CSMD1: variants seen among roughly 807,000 people sequenced by gnomAD.
The protein encoded by CSMD1 is CUB and sushi domain-containing protein 1.
Under a neutral mutation model 417.5 loss-of-function variants are expected in CSMD1, and 213 were observed. The ratio of observed to expected loss-of-function variants is 0.51; its 90% CI spans 0.46 to 0.57. The LOEUF is 0.57. CSMD1 is among the 20% of genes least tolerant of loss of function. CSMD1 has a pLI of 0.00. For missense variants in CSMD1, 6,923 were observed against 4,529.7 expected, an observed-to-expected ratio of 1.53 and a Z score of -15.17; for synonymous variants, 2,862 against 1,736.8, an observed-to-expected ratio of 1.65 and a Z score of -16.11.
chr8:4,763,501 G>T (rs1361294977), intron 1 of CSMD1, among the ~76,000 whole-genome samples: 2 of 152,076 alleles, frequency 1.3e-5, no homozygotes, highest in Non-Finnish European at 1.5e-5. Context: ...ATTTATTGAT[G>T]ACTTCTTATA....
chr8:3,903,079 G>T (rs1031089765), intron 5 of CSMD1, among the ~76,000 whole-genome samples: 33 of 152,106 alleles, frequency 2.2e-4, no homozygotes, highest in African/African-American at 6.8e-4. Flanking sequence ...CCTGCTGTCT[G>T]TATTGCTGCT....
At chr8:3,317,224 G>T (rs1004424299) in intron 23 of CSMD1, among the ~76,000 whole-genome samples, 1 of 152,132 alleles carries the variant, frequency 6.6e-6, no homozygotes, top group African/African-American at 2.4e-5. Context: ...CCCAGAAAAG[G>T]AATACATCTT....
chr8:4,338,320 C>G (rs529397729), intron 3 of CSMD1, among the ~76,000 whole-genome samples: 2 of 152,164 alleles, frequency 1.3e-5, no homozygotes, highest in South Asian at 4.1e-4. Context: ...ACACATTTAC[C>G]TCGTATGTGA....
chr8:3,985,353 A>T (rs1173224132), intron 5 of CSMD1, among the ~76,000 whole-genome samples: 1 of 152,170 alleles, frequency 6.6e-6, no homozygotes, highest in Admixed American at 6.5e-5. Context: ...TACAGATTGC[A>T]TTGTTTTGTT....
chr8:4,864,280 G>GAC (rs879851988), intron 1 of CSMD1, among the ~76,000 whole-genome samples: 17 of 151,348 alleles, frequency 1.1e-4, no homozygotes, highest in Admixed American at 6.6e-4. Flanking sequence ...CACACACAAA[G>GAC]ACACACACAC....
chr8:4,591,144 T>C (rs1308416972), intron 2 of CSMD1, among the ~76,000 whole-genome samples: 3 of 152,238 alleles, frequency 2.0e-5, no homozygotes, highest in South Asian at 2.1e-4. Flanking sequence ...GCATCATTTC[T>C]TCAGTTGTGT....
At chr8:3,417,756 C>G (rs1052213944) in intron 12 of CSMD1, among the ~76,000 whole-genome samples, 3 of 152,196 alleles carry the variant, frequency 2.0e-5, no homozygotes, top group Non-Finnish European at 1.5e-5. Context: ...TCAGAAATCC[C>G]TAAACTAATT....
chr8:4,169,944 C>T (rs1312661692), intron 3 of CSMD1, among the ~76,000 whole-genome samples: 1 of 149,806 alleles, frequency 6.7e-6, no homozygotes, highest in Non-Finnish European at 1.5e-5. Context: ...GAGATTTTGG[C>T]TTGCGTGTGT....
At chr8:3,385,054 AATAT>A (rs530350652) in intron 18 of CSMD1, among the ~76,000 whole-genome samples, 8,684 of 120,942 alleles carry the variant, frequency 0.072, 687 homozygotes, top group East Asian at 0.27. Context: ...ATAAATATAT[AATAT>A]ATAATATATA....
At chr8:2,966,431 A>C in intron 58 of CSMD1, 139 bp downstream of exon 58, 1 of 755,068 alleles carries the variant, frequency 1.3e-6, no homozygotes, top group East Asian at 2.7e-5. Context: ...ATACAGCCAC[A>C]ATGTCACACA....
chr8:3,868,893 G>A (rs1363996872), intron 5 of CSMD1, among the ~76,000 whole-genome samples: 6 of 152,158 alleles, frequency 3.9e-5, no homozygotes, highest in African/African-American at 1.4e-4. Flanking sequence ...TGGTGTGCTT[G>A]CTTCCATCTT....
rs73503899 is a variant in CSMD1 at position 4,882,165 on chromosome 8, C to T, written c.85+112167G>A. The stretch of plus-strand genomic sequence containing the variant: ...CATGTAGTTACAAGTGCTGGAAATC[C>T]CAGTCTCCTTGGCACTAGACGGTGG... On this transcript the variant is annotated intron_variant, in intron 1 of 69. Coordinates refer to ENST00000635120, the MANE Select transcript of CSMD1 (RefSeq NM_033225.6). Among the ~76,000 whole-genome samples the T allele has an allele frequency of 3.0e-3, 460 of 152,042 alleles. 4 individuals carry two copies. The highest frequency in any genetic ancestry group is 0.011 in the African/African-American group (441 of 41,438).
At chr8:3,894,267 T>C (rs961553001) in intron 5 of CSMD1, among the ~76,000 whole-genome samples, 4 of 152,136 alleles carry the variant, frequency 2.6e-5, no homozygotes, top group African/African-American at 9.7e-5. Context: ...ATCTCCACAC[T>C]GTAATCTACT....
At chr8:3,546,970 A>C (rs568432918) in intron 10 of CSMD1, among the ~76,000 whole-genome samples, 1 of 152,208 alleles carries the variant, frequency 6.6e-6, no homozygotes, top group Admixed American at 6.5e-5. Context: ...ACCTCCTGGA[A>C]GAAGGGAAGA....
chr8:2,998,996 C>G (rs921419240), intron 53 of CSMD1, among the ~76,000 whole-genome samples: 1 of 152,034 alleles, frequency 6.6e-6, no homozygotes, highest in Non-Finnish European at 1.5e-5. Flanking sequence ...GGAAAATATA[C>G]AATATTTCTA....
intron 26 of CSMD1, among the ~76,000 whole-genome samples, chr8:3,276,814 T>G (rs11778034): frequency 6.6e-6 from 1 of 152,158 alleles, no homozygotes; most frequent in East Asian, 1.9e-4. Flanking sequence ...GTGGAAAATT[T>G]TCACGCATAT....
chr8:3,222,474 C>T (rs1293926949), intron 28 of CSMD1, among the ~76,000 whole-genome samples: 1 of 151,978 alleles, frequency 6.6e-6, no homozygotes, highest in African/African-American at 2.4e-5. Flanking sequence ...CACACCAAGC[C>T]AATTTTTAAA....
chr8:3,906,270 C>G (rs796562898), intron 5 of CSMD1, among the ~76,000 whole-genome samples: 12 of 145,000 alleles, frequency 8.3e-5, no homozygotes, highest in African/African-American at 2.9e-4. Flanking sequence ...TGTGCTGCTT[C>G]AAATAAAATC....
At chr8:4,194,056 A>T (rs1430165166) in intron 3 of CSMD1, among the ~76,000 whole-genome samples, 1 of 152,152 alleles carries the variant, frequency 6.6e-6, no homozygotes, top group African/African-American at 2.4e-5. Context: ...TAACTTTCAT[A>T]TACAAAAAAT....
Sources: gnomAD v4.1 joint callset for allele counts (sites outside exome capture counted in the v4.1 genomes callset) on GRCh38, gnomAD v4.1.1 for gene constraint, MANE v1.5 for transcripts, NCBI Gene and HGNC (gene_info 2026-07-23, HGNC 2026-07-21) for gene names.